The following CCSER1 variants were observed in gnomAD, a reference collection of about 807,000 sequenced individuals.
The protein encoded by CCSER1 is coiled-coil serine rich protein 1.
CCSER1 carries 41 observed loss-of-function variants against 82.0 expected under a neutral mutation model. The observed-to-expected ratio is 0.50, with a 90% confidence interval of 0.39 to 0.65. CCSER1 has a LOEUF of 0.65. Among genes scored for constraint, CCSER1 ranks in the 30% least tolerant of loss-of-function variants. The probability of loss-of-function intolerance (pLI) is 0.00; values close to 1 mark genes in which losing one functional copy is unlikely to be tolerated. For synonymous variants in CCSER1, 414 were observed against 383.9 expected (o/e 1.08, Z -0.92); for missense variants, 1,119 against 1,064.2 (o/e 1.05, Z -0.72).
intron 9 of CCSER1, among the ~76,000 whole-genome samples, chr4:90,974,090 C>T (rs545375757): frequency 5.3e-5 from 8 of 151,448 alleles, no homozygotes; most frequent in Admixed American, 2.0e-4. Flanking sequence ...TTTGAATAAA[C>T]GGTAGAAAGC....
At chr4:90,924,266 T>C (rs1728773454) in intron 9 of CCSER1, among the ~76,000 whole-genome samples, 1 of 152,176 alleles carries the variant, frequency 6.6e-6, no homozygotes, top group Non-Finnish European at 1.5e-5. Context: ...TTTATGATGA[T>C]GAATAATGAT....
At chr4:91,095,292 C>T (rs1724394375) in intron 10 of CCSER1, among the ~76,000 whole-genome samples, 1 of 152,104 alleles carries the variant, frequency 6.6e-6, no homozygotes, top group Non-Finnish European at 1.5e-5. Flanking sequence ...CTTATCTTTC[C>T]AATGTCCTAT....
At chr4:90,185,646 G>A (rs1006842116) in intron 1 of CCSER1, among the ~76,000 whole-genome samples, 4 of 151,940 alleles carry the variant, frequency 2.6e-5, no homozygotes, top group African/African-American at 9.7e-5. Context: ...CAAGAGGGAT[G>A]GAGATGAATA....
At chr4:90,932,982 G>GAAAGAAAGAAAGAAAGAGAA (rs771267852) in intron 9 of CCSER1, among the ~76,000 whole-genome samples, 2 of 18,866 alleles carry the variant, frequency 1.1e-4, no homozygotes, top group South Asian at 1.6e-3. Context: ...AAGAAAGAAA[G>GAAAGAAAGAAAGAAAGAGAA]AGAAAGAAAG....
At chr4:90,400,756 T>A (rs544993205) in intron 4 of CCSER1, among the ~76,000 whole-genome samples, 1 of 152,306 alleles carries the variant, frequency 6.6e-6, no homozygotes, top group African/African-American at 2.4e-5. Flanking sequence ...AATTCCAGAA[T>A]TACTCTCTTT....
At chr4:90,923,579 T>C (rs1728686325) in intron 9 of CCSER1, 132 bp downstream of exon 9, 1 of 599,548 alleles carries the variant, frequency 1.7e-6, no homozygotes, top group Non-Finnish European at 2.9e-6. Context: ...CATCTTTTGC[T>C]CTTAAACAAT....
intron 10 of CCSER1, among the ~76,000 whole-genome samples, chr4:91,179,564 A>C (rs1324345919): frequency 6.6e-6 from 1 of 152,204 alleles, no homozygotes; most frequent in Non-Finnish European, 1.5e-5. Context: ...GTCTTCGTTC[A>C]TTGATACACT....
At chr4:90,231,257 C>G (rs1744475141) in intron 1 of CCSER1, among the ~76,000 whole-genome samples, 1 of 152,176 alleles carries the variant, frequency 6.6e-6, no homozygotes, top group South Asian at 2.1e-4. Context: ...AACAGCACAT[C>G]AAAAAGCTTA....
chr4:90,734,685 T>C (rs1231576412), intron 7 of CCSER1, among the ~76,000 whole-genome samples: 3 of 152,190 alleles, frequency 2.0e-5, no homozygotes, highest in Non-Finnish European at 4.4e-5. Context: ...CCTGCAACTT[T>C]ACTGAATTTG....
intron 5 of CCSER1, among the ~76,000 whole-genome samples, chr4:90,492,742 G>T (rs572002187): frequency 4.7e-4 from 71 of 152,298 alleles, no homozygotes; most frequent in African/African-American, 1.5e-3. Flanking sequence ...TGGTTTCAAA[G>T]AACATCTTTA....
intron 9 of CCSER1, among the ~76,000 whole-genome samples, chr4:90,933,020 GAAA>G (rs1730334248): frequency 1.1e-5 from 1 of 87,108 alleles, no homozygotes; most frequent in South Asian, 2.8e-4. Flanking sequence ...AAGAAAGAAA[GAAA>G]GAAAGAAAGA....
At chr4:90,871,172 A>G (rs1170733400) in intron 8 of CCSER1, among the ~76,000 whole-genome samples, 1 of 150,942 alleles carries the variant, frequency 6.6e-6, no homozygotes, top group Non-Finnish European at 1.5e-5. Context: ...TTTCATTTCA[A>G]TGTCATTTAT....
intron 8 of CCSER1, among the ~76,000 whole-genome samples, chr4:90,822,496 A>G (rs1014649666): frequency 1.3e-5 from 2 of 152,176 alleles, no homozygotes; most frequent in African/African-American, 4.8e-5. Flanking sequence ...TGGGAGGCCA[A>G]GGCGGGCGAA....
chr4:90,254,543 T>A (rs1722932872), intron 1 of CCSER1, among the ~76,000 whole-genome samples: 1 of 152,106 alleles, frequency 6.6e-6, no homozygotes, highest in Admixed American at 6.6e-5. Flanking sequence ...CAGGGATCAT[T>A]TGACTGTTCT....
intron 10 of CCSER1, among the ~76,000 whole-genome samples, chr4:91,519,759 G>A (rs1298243109): frequency 1.3e-5 from 2 of 152,222 alleles, no homozygotes; most frequent in African/African-American, 4.8e-5. Flanking sequence ...GTGTGTGGTT[G>A]TCCTGTCTTG....
intron 7 of CCSER1, among the ~76,000 whole-genome samples, chr4:90,783,921 A>C (rs1754138246): frequency 6.6e-6 from 1 of 152,182 alleles, no homozygotes; most frequent in Non-Finnish European, 1.5e-5. Context: ...ACTCCAGTAT[A>C]ATAAGTGAAT....
chr4:91,465,928 G>A (rs1204149128), intron 10 of CCSER1, among the ~76,000 whole-genome samples: 1 of 152,236 alleles, frequency 6.6e-6, no homozygotes, highest in East Asian at 1.9e-4. Flanking sequence ...AGAGGTACAA[G>A]GAGGAGCTGG....
intron 6 of CCSER1, among the ~76,000 whole-genome samples, chr4:90,635,618 A>G (rs1725285481): frequency 6.6e-6 from 1 of 151,884 alleles, no homozygotes; most frequent in South Asian, 2.1e-4. Context: ...AAAGAGTGCG[A>G]TAATTCGTAA....
chr4:91,295,349 C>T lies in CCSER1; in HGVS notation c.2217+209355C>T, dbSNP rs531084599. Reference sequence around the variant, plus strand: ...CAGAAAGTGAGATAGACAAAATATACAAGAAATTAATTTTTAAAGAAATAC... The same window carrying T: ...CAGAAAGTGAGATAGACAAAATATATAAGAAATTAATTTTTAAAGAAATAC... On this transcript the variant is annotated intron_variant, in intron 10 of 10. Coordinates refer to ENST00000509176, the MANE Select transcript of CCSER1 (RefSeq NM_001145065.2). 5.9e-5 allele frequency among the ~76,000 whole-genome samples: 9 copies of T among 151,756 alleles called. No individual in the cohort carries two copies. In the South Asian group the frequency reaches 1.7e-3, roughly 28 times the overall value.
Sources: allele counts gnomAD v4.1 joint callset (sites outside exome capture counted in the v4.1 genomes callset), GRCh38; gene constraint gnomAD v4.1.1; transcripts MANE v1.5; gene names NCBI Gene and HGNC (gene_info 2026-07-23, HGNC 2026-07-21).